Variants in TNKS1BP1 observed in about 807,000 individuals in gnomAD.
The protein encoded by TNKS1BP1 is CCR4-NOT transcription complex subunit 12.
A neutral mutation model predicts 141.1 loss-of-function variants in TNKS1BP1; 48 were observed. The ratio of observed to expected loss-of-function variants is 0.34; its 90% confidence interval spans 0.27 to 0.43. The LOEUF is 0.43. Ranked by LOEUF, TNKS1BP1 falls within the 20% of genes least tolerant of loss-of-function variation. The pLI is 1.00. For synonymous variants in TNKS1BP1, 875 were observed against 898.2 expected, an observed-to-expected ratio of 0.97 and a Z score of 0.46; for missense variants, 2,149 against 2,226.0, an observed-to-expected ratio of 0.97 and a Z score of 0.70.
Position 57,309,320 on chromosome 11 carries a change from T to C in TNKS1BP1, c.3391A>G (p.Arg1131Gly). Residue 1131 changes from arginine (R) to glycine (G), a missense_variant, in exon 6 of 12, where the codon AGA becomes GGA. By Grantham distance (125) the Arg-to-Gly change is moderately radical. Transcript: ENST00000358252. This position sits in a 1 kb window ranked among gnomAD's most constrained non-coding sequence, Gnocchi z 4.3. ...SYQFGIIGND[R>G]VSGAGFSPSS... ...GGGCTAAAGCCAGCACCACTCACTC[T>C]GTCGTTGCCAATGATGCCAAACTGA... is the stretch of plus-strand genomic sequence containing the variant. 1 of 1,614,190 alleles carries C rather than the reference T, an allele frequency of 6.2e-7. No homozygotes were observed. The highest frequency in any genetic ancestry group is 2.2e-5 in the East Asian group (1 of 44,882).
chr11:57,311,279 G>A (rs1218451777), intron 5 of TNKS1BP1: 7 of 985,908 alleles, frequency 7.1e-6, no homozygotes, highest in Non-Finnish European at 8.4e-6. Flanking sequence ...CTTCGGAGCC[G>A]GCCAGCCTCA....
At chr11:57,304,156 G>A (rs376988806) in intron 6 of TNKS1BP1, among the ~76,000 whole-genome samples, 6 of 152,002 alleles carry the variant, frequency 3.9e-5, no homozygotes, top group East Asian at 1.9e-4. Flanking sequence ...CTCATACTAC[G>A]CACAGAGGTG....
In TNKS1BP1 at chr11:57,308,625, G is replaced by A. The variant is rs758276174; in HGVS notation, c.4086C>T (p.Ala1362=). 2.5e-6 allele frequency: 4 copies of A among 1,613,486 alleles called. No individual in the cohort carries two copies. The East Asian group carries it at 8.9e-5, about 36-fold the overall frequency. The change falls in exon 6 of 12, where the codon GCC becomes GCT. Residue 1362 remains alanine, a synonymous_variant. Transcript: ENST00000358252. Reference sequence around the variant, plus strand: ...TCACCCCGCCCACCCCATGCTCCCTGGCTTCACTTGGAGCCCCAAAGAGCT... The same window carrying A: ...TCACCCCGCCCACCCCATGCTCCCTAGCTTCACTTGGAGCCCCAAAGAGCT... ...NVELFGAPSE[A]REHGVGGVSQ... is the part of the protein sequence containing the mutation.
chr11:57,302,033 T>C lies in TNKS1BP1; in HGVS notation c.4834+41A>G, dbSNP rs1486713234. The C allele has an allele frequency of 5.6e-6, 9 of 1,604,614 alleles. No individual in the cohort carries two copies. The highest frequency in any genetic ancestry group is 7.7e-6 in the Non-Finnish European group (9 of 1,172,198). On this transcript the variant is annotated intron_variant, in intron 8 of 11. Transcript: ENST00000358252. The surrounding 1 kb of genome is among the most constrained non-coding windows in gnomAD (Gnocchi z 5.5). ...CCTGCAAAAGCTTGGCCTAATGCCC[T>C]AGAGATCAAGAGACATCACCAAATA...
At chr11:57,304,569 G>A (rs1452716032) in intron 6 of TNKS1BP1, among the ~76,000 whole-genome samples, 2 of 152,132 alleles carry the variant, frequency 1.3e-5, no homozygotes, top group Non-Finnish European at 2.9e-5. Flanking sequence ...CTAAGGGCAG[G>A]CCCCATGAGC....
chr11:57,320,847 C>T, intron 2 of TNKS1BP1, 135 bp from the exon 3 acceptor site: 6 of 1,049,784 alleles, frequency 5.7e-6, no homozygotes, highest in Non-Finnish European at 7.9e-6. Context: ...AGTCATATGC[C>T]ACCTCTTCCA....
chr11:57,309,836 T>G lies in TNKS1BP1; in HGVS notation c.2875A>C (p.Arg959=), dbSNP rs142089716. The G allele has an allele frequency of 8.1e-6, 13 of 1,614,060 alleles. No homozygotes were observed. The highest frequency in any genetic ancestry group is 2.2e-5 in the East Asian group (1 of 44,884). The change falls in exon 6 of 12, where the codon AGG becomes CGG. Residue 959 remains arginine (R), a synonymous_variant. Coordinates refer to ENST00000358252, the MANE Select transcript of TNKS1BP1 (RefSeq NM_033396.3). This position sits in a 1 kb window ranked among gnomAD's most constrained non-coding sequence, Gnocchi z 4.3. ...EQEFGKSAWI[R]DYSSGGSSRT... ...GAGCTGCCACCACTGCTGTAGTCCCTTATCCAAGCGCTCTTCCCAAACTCC... is the reference window on the plus strand; with the variant it reads ...GAGCTGCCACCACTGCTGTAGTCCCGTATCCAAGCGCTCTTCCCAAACTCC...
In TNKS1BP1 at chr11:57,312,668, C is replaced by G. The variant is rs140956143; in HGVS notation, c.2020G>C (p.Glu674Gln). Residue 674 changes from glutamate to glutamine, a missense_variant, in exon 5 of 12, where the codon GAG (glutamate) becomes CAG (glutamine). Glu to Gln is a conservative substitution (Grantham distance 29). Coordinates refer to ENST00000358252, the MANE Select transcript of TNKS1BP1 (RefSeq NM_033396.3). ...EAQDLCRASP[E>Q]PPGPESSSRW... ...GAGCTGCTTTCAGGGCCTGGAGGCT[C>G]GGGGGATGCCCTACACAAGTCTTGA... 8.2e-6 allele frequency: 13 copies of G among 1,585,414 alleles called. No homozygotes were observed. Among genetic ancestry groups the G allele is most frequent in the Non-Finnish European group, 1.0e-5 (12 of 1,166,062 alleles).
intron 6 of TNKS1BP1, among the ~76,000 whole-genome samples, chr11:57,306,920 T>TGGGGGGGG (rs1565039405): frequency 2.9e-4 from 9 of 31,098 alleles, no homozygotes; most frequent in South Asian, 2.9e-3. Flanking sequence ...GGGGGTTGGG[T>TGGGGGGGG]GGGAGGGGGG....
At chr11:57,318,605 T>C (rs1590594330) in intron 3 of TNKS1BP1, among the ~76,000 whole-genome samples, 2 of 152,268 alleles carry the variant, frequency 1.3e-5, no homozygotes, top group African/African-American at 2.4e-5. Context: ...AGCAGAGCTG[T>C]TAAAGGCCCA....
Position 57,302,325 on chromosome 11 carries a change from C to CT in TNKS1BP1, c.4684-102dup. On this transcript the variant is annotated intron_variant, in intron 7 of 11. Coordinates refer to ENST00000358252, the MANE Select transcript of TNKS1BP1 (RefSeq NM_033396.3). This position sits in a 1 kb window ranked among gnomAD's most constrained non-coding sequence, Gnocchi z 5.5. Reference sequence around the variant, plus strand: ...AGCTGGACCCCTCCTGCAGCCGGAGCTTCACGTTCACGTGACGCACCTACA... The same window carrying CT: ...AGCTGGACCCCTCCTGCAGCCGGAGCTTTCACGTTCACGTGACGCACCTACA... 6.5e-7 allele frequency: 1 copy of CT among 1,540,560 alleles called. No individual in the cohort carries two copies. The highest frequency in any genetic ancestry group is 8.8e-7 in the Non-Finnish European group (1 of 1,142,042).
rs373278128 is a variant in TNKS1BP1, at chr11:57,308,422, G to A, written c.4289C>T (p.Thr1430Ile). 2.5e-6 allele frequency: 4 copies of A among 1,613,950 alleles called. No homozygotes were observed. Among genetic ancestry groups the A allele is most frequent in the African/African-American group, 1.3e-5 (1 of 74,918 alleles). Residue 1430 changes from threonine (T) to isoleucine (I), a missense_variant, in exon 6 of 12, where the codon ACA becomes ATA. Thr to Ile is a moderately conservative substitution (Grantham distance 89). Transcript: ENST00000358252. ...EPHPADPGME[T>I]GEALSFGASP... ...TGCTCCGAAGCTGAGGGCTTCTCCT[G>A]TCTCCATTCCAGGGTCTGCAGGGTG...
chr11:57,308,348 C>G (rs1275365771), intron 6 of TNKS1BP1, 47 bp downstream of exon 6: 1 of 1,562,550 alleles, frequency 6.4e-7, no homozygotes, highest in Admixed American at 1.9e-5. Context: ...TCTTGGACAG[C>G]CTTCACATGT....
At chr11:57,301,637 C>T (rs1590573774) in intron 9 of TNKS1BP1, among the ~76,000 whole-genome samples, 170 bp downstream of exon 9, 1 of 152,084 alleles carries the variant, frequency 6.6e-6, no homozygotes, top group African/African-American at 2.4e-5. Context: ...GCATAGGGCC[C>T]GGCGGGGCAC....
intron 4 of TNKS1BP1, 133 bp downstream of exon 4, chr11:57,317,685 C>A: frequency 2.1e-6 from 2 of 962,404 alleles, no homozygotes; most frequent in Admixed American, 2.2e-5. Context: ...CCAGGGCCAG[C>A]CCTCCAGTGA....
At position 57,317,959 on chromosome 11, in the gene TNKS1BP1, A is replaced by G. The variant is rs1347802131; in HGVS notation, c.729-72T>C. The G allele has an allele frequency of 2.7e-6, 4 of 1,462,326 alleles. No individual in the cohort carries two copies. The African/African-American group carries it at 5.6e-5, about 20-fold the overall frequency. The allele number at this position is 1,462,326 out of a possible 1,614,324, so 90.6% of individuals were successfully genotyped here. A position where few individuals can be genotyped will look rare whatever the true frequency, so the allele number is the denominator to read the frequency against. ...TGTCACAGAATGGAAAATGTGGGAG[A>G]GTCTCCCAGTGCAACTTTAACAGCA... On this transcript the variant is annotated intron_variant, in intron 3 of 11. Transcript: ENST00000358252.
At chr11:57,318,009 A>T (rs1855823961) in intron 3 of TNKS1BP1, 122 bp from the exon 4 acceptor site, 1 of 866,882 alleles carries the variant, frequency 1.2e-6, no homozygotes, top group Non-Finnish European at 1.9e-6. Flanking sequence ...CCTCCTAGCC[A>T]TTTACTCTTG....
rs777304781 is a variant in TNKS1BP1, at chr11:57,302,273, G to A, written c.4684-49C>T. On this transcript the variant is annotated intron_variant, in intron 7 of 11. Coordinates refer to ENST00000358252, the MANE Select transcript of TNKS1BP1 (RefSeq NM_033396.3). This position sits in a 1 kb window ranked among gnomAD's most constrained non-coding sequence, Gnocchi z 5.5. ...ACTGCCATTGCTGCCTCATCCCACG[G>A]GAGCCCCTCAACAGTAGCTGACCAG... is the stretch of plus-strand genomic sequence containing the variant. 1 of 1,580,310 alleles carries A rather than the reference G, an allele frequency of 6.3e-7. No homozygotes were observed. Among genetic ancestry groups the A allele is most frequent in the Non-Finnish European group, 8.6e-7 (1 of 1,161,112 alleles).
In TNKS1BP1 at chr11:57,320,729, G is replaced by A; in HGVS notation, c.95-17C>T. On this transcript the variant is annotated splice_polypyrimidine_tract_variant and intron_variant, in intron 2 of 11. Transcript: ENST00000358252. ...GAGTGTCACCTACCAAAAGGAAAGG[G>A]TTGGTGGGGGAGCTGTCAGAAGAAC... The A allele has an allele frequency of 1.3e-6, 2 of 1,543,054 alleles. No individual in the cohort carries two copies. Among genetic ancestry groups the A allele is most frequent in the South Asian group, 1.2e-5 (1 of 82,060 alleles).
Sources: gnomAD v4.1 joint callset for allele counts (sites outside exome capture counted in the v4.1 genomes callset) on GRCh38, gnomAD v4.1.1 for gene constraint, Gnocchi (gnomAD v3.1) non-coding constraint, MANE v1.5 for transcripts, NCBI Gene and HGNC (gene_info 2026-07-23, HGNC 2026-07-21) for gene names.